CCDC201: variants seen among roughly 807,000 people sequenced by gnomAD.
CCDC201 encodes coiled-coil domain-containing protein 201.
intron 1 of CCDC201, among the ~76,000 whole-genome samples, chr7:45,868,667 G>C (rs1370060318): frequency 6.6e-6 from 1 of 152,098 alleles, no homozygotes; most frequent in Non-Finnish European, 1.5e-5. Context: ...TAGGAGATGA[G>C]CCCTGTATTT....
the CCDC201 span, among the ~76,000 whole-genome samples, chr7:45,880,585 G>A: frequency 3.3e-5 from 5 of 152,004 alleles, no homozygotes; most frequent in Non-Finnish European, 7.4e-5. Flanking sequence ...TGATGGGCAC[G>A]TTATATGCAG....
At chr7:45,860,757 T>A (rs1451289600) in exon 3 of CCDC201, 3 of 152,264 alleles carry the variant, frequency 2.0e-5, no homozygotes, top group Admixed American at 2.0e-4. Flanking sequence ...TCCATAGGCA[T>A]GTCTAGGCGC....
intron 2 of CCDC201, among the ~76,000 whole-genome samples, chr7:45,863,409 G>A (rs530970898): frequency 6.6e-6 from 1 of 152,290 alleles, no homozygotes; most frequent in South Asian, 2.1e-4. Context: ...GGGGTAAGGT[G>A]CAGATGAAGT....
chr7:45,867,148 C>CT (rs1345544234), intron 1 of CCDC201, among the ~76,000 whole-genome samples: 2 of 152,182 alleles, frequency 1.3e-5, no homozygotes, highest in Admixed American at 6.5e-5. Context: ...AGGTATGTGC[C>CT]TCTGCAGTGC....
At chr7:45,860,330 G>A (rs1390528740) in exon 3 of CCDC201, 1 of 152,190 alleles carries the variant, frequency 6.6e-6, no homozygotes, top group African/African-American at 2.4e-5. Context: ...CTTCTTTTGT[G>A]GATCTTCAGT....
chr7:45,878,704 C>T, the CCDC201 span, among the ~76,000 whole-genome samples: 932 of 152,366 alleles, frequency 6.1e-3, 11 homozygotes, highest in African/African-American at 0.021. Context: ...GGCCTCTGGG[C>T]CTGTGTTGGG....
chr7:45,881,415 A>T, the CCDC201 span, among the ~76,000 whole-genome samples: 1 of 152,192 alleles, frequency 6.6e-6, no homozygotes, highest in East Asian at 1.9e-4. Flanking sequence ...ATGGCCTCAG[A>T]CTTGAGCATG....
the CCDC201 span, among the ~76,000 whole-genome samples, chr7:45,884,088 C>T: frequency 7.8e-6 from 1 of 128,004 alleles, no homozygotes; most frequent in South Asian, 2.3e-4. Context: ...ATTCTTTCTC[C>T]CTTTCTTTCT....
chr7:45,883,152 C>T, the CCDC201 span, among the ~76,000 whole-genome samples: 1 of 152,004 alleles, frequency 6.6e-6, no homozygotes, highest in Non-Finnish European at 1.5e-5. Flanking sequence ...TTCCAGGTGT[C>T]CTGTGAAATT....
At chr7:45,877,761 C>A (rs994726454), upstream of CCDC201, among the ~76,000 whole-genome samples, 1 of 152,146 alleles carries the variant, frequency 6.6e-6, no homozygotes, top group Admixed American at 6.5e-5. Flanking sequence ...GACACAGAGC[C>A]AAACCGTGTC....
chr7:45,879,973 C>T, the CCDC201 span, among the ~76,000 whole-genome samples: 3 of 152,126 alleles, frequency 2.0e-5, no homozygotes, highest in African/African-American at 7.2e-5. Flanking sequence ...GTAATCCCAG[C>T]TACTCGGGAG....
At chr7:45,875,978 G>A (rs1015368667), upstream of CCDC201, among the ~76,000 whole-genome samples, 17 of 152,286 alleles carry the variant, frequency 1.1e-4, no homozygotes, top group African/African-American at 3.8e-4. Flanking sequence ...AGATGACCAC[G>A]CCCTATTCCC....
chr7:45,871,813 G>C (rs562468627), intron 1 of CCDC201, among the ~76,000 whole-genome samples: 8 of 152,238 alleles, frequency 5.3e-5, no homozygotes, highest in Admixed American at 4.6e-4. Flanking sequence ...TAAAAATGCA[G>C]ATCAAAATGA....
chr7:45,863,310 C>T (rs1786625522), intron 2 of CCDC201, 139 bp from the exon 3 acceptor site: 1 of 152,282 alleles, frequency 6.6e-6, no homozygotes, highest in African/African-American at 2.4e-5. Flanking sequence ...ACAATTCTGC[C>T]TGTGTGCTTC....
At chr7:45,868,527 T>A (rs1174385688) in intron 1 of CCDC201, among the ~76,000 whole-genome samples, 1 of 152,110 alleles carries the variant, frequency 6.6e-6, no homozygotes, top group East Asian at 1.9e-4. Flanking sequence ...GAAAATTGCA[T>A]TTAAGGAGAA....
upstream of CCDC201, among the ~76,000 whole-genome samples, chr7:45,877,787 C>T (rs1786832339): frequency 6.6e-6 from 1 of 152,148 alleles, no homozygotes; most frequent in South Asian, 2.1e-4. Flanking sequence ...GCTCCTGGCC[C>T]CTGTGAAATC....
In CCDC201 at chr7:45,870,333, G is replaced by C. The variant is rs73104658; in HGVS notation, c.18+2657C>G. Among the ~76,000 whole-genome samples the C allele has an allele frequency of 1.4e-3, 208 of 152,190 alleles. 1 individual carries two copies. Among genetic ancestry groups the C allele is most frequent in the Non-Finnish European group, 2.3e-3 (156 of 68,004 alleles). Reference sequence around the variant, plus strand: ...CTTTGGTAAGCTGAAAGAACTAGAAGCCAAATATATTTGTCATGTTAATAA... The same window carrying C: ...CTTTGGTAAGCTGAAAGAACTAGAACCCAAATATATTTGTCATGTTAATAA... On this transcript the variant is annotated intron_variant, in intron 1 of 2. Transcript: ENST00000636578.
At chr7:45,864,245 G>A (rs1053749802) in intron 2 of CCDC201, among the ~76,000 whole-genome samples, 2 of 152,198 alleles carry the variant, frequency 1.3e-5, no homozygotes, top group Admixed American at 6.5e-5. Flanking sequence ...ATCCCACAGA[G>A]GGGCCTTGTG....
At chr7:45,881,562 C>T in the CCDC201 span, among the ~76,000 whole-genome samples, 4 of 152,124 alleles carry the variant, frequency 2.6e-5, no homozygotes, top group Non-Finnish European at 5.9e-5. Flanking sequence ...AGTGAGTGAC[C>T]GTGGTCTAAC....
Sources: gnomAD v4.1 joint callset for allele counts (sites outside exome capture counted in the v4.1 genomes callset) on GRCh38, gnomAD v4.1.1 for gene constraint, MANE v1.5 for transcripts, NCBI Gene and HGNC (gene_info 2026-07-23, HGNC 2026-07-21) for gene names.